The following STON1 variants were observed in gnomAD, a reference collection of about 807,000 sequenced individuals.
The protein encoded by STON1 is stonin-1.
In STON1, 79 loss-of-function variants were observed where a neutral mutation model predicts 60.9. That is an observed-to-expected ratio of 1.30 (90% CI 1.08 to 1.56). The LOEUF (loss-of-function observed/expected upper bound fraction) is 1.56, where lower values mean the gene tolerates loss of function less well. Ranked by LOEUF, STON1 falls within the 40% of genes most tolerant of loss-of-function variation. STON1 has a pLI of 0.00. For missense variants in STON1, 1,166 were observed against 858.9 expected (o/e 1.36, Z -4.47); for synonymous variants, 363 against 306.9 (o/e 1.18, Z -1.91).
intron 2 of STON1, among the ~76,000 whole-genome samples, chr2:48,583,381 A>G (rs62135240): frequency 6.6e-6 from 1 of 152,214 alleles, no homozygotes; most frequent in Non-Finnish European, 1.5e-5. Context: ...GAGCCACCTC[A>G]TCTGGCCTAA....
chr2:48,552,647 G>A lies in STON1; in HGVS notation c.-48+22431G>A, dbSNP rs189264862. 1.3e-4 allele frequency among the ~76,000 whole-genome samples: 20 copies of A among 152,152 alleles called. No homozygotes were observed. In the East Asian group the frequency reaches 3.5e-3, roughly 26 times the overall value. On this transcript the variant is annotated intron_variant, in intron 1 of 3. Transcript: ENST00000404752. ...TAGCAGGGTATGGTGGCAGGCGCCT[G>A]TAATCCCAGCTACTCAGGATGCCAA...
intron 1 of STON1, among the ~76,000 whole-genome samples, chr2:48,540,056 C>T (rs901080033): frequency 1.2e-4 from 19 of 152,126 alleles, no homozygotes; most frequent in Admixed American, 9.8e-4. Flanking sequence ...CCTCTTGCTG[C>T]GGTGGATTTC....
chr2:48,564,264 C>G (rs908286968), intron 1 of STON1, among the ~76,000 whole-genome samples: 2 of 152,134 alleles, frequency 1.3e-5, no homozygotes, highest in African/African-American at 2.4e-5. Flanking sequence ...AGATTTATTT[C>G]TCACAGTTCC....
intron 1 of STON1, among the ~76,000 whole-genome samples, chr2:48,555,277 C>T (rs1486518554): frequency 3.9e-5 from 4 of 101,662 alleles, no homozygotes; most frequent in African/African-American, 1.1e-4. Flanking sequence ...TGGGCAGAGG[C>T]GCCCCTCACC....
At chr2:48,542,174 C>G (rs769208603) in intron 1 of STON1, among the ~76,000 whole-genome samples, 1 of 152,224 alleles carries the variant, frequency 6.6e-6, no homozygotes, top group Non-Finnish European at 1.5e-5. Context: ...GTGGCTGATT[C>G]CATCTCTGGG....
At chr2:48,584,526 C>G (rs1394497608) in intron 2 of STON1, among the ~76,000 whole-genome samples, 6 of 152,214 alleles carry the variant, frequency 3.9e-5, no homozygotes. Context: ...CCTTGGCCTC[C>G]CAAAGTGTTG....
intron 1 of STON1, among the ~76,000 whole-genome samples, chr2:48,574,791 G>A (rs1314363111): frequency 6.6e-6 from 1 of 152,054 alleles, no homozygotes; most frequent in Non-Finnish European, 1.5e-5. Context: ...ACAAGGTCTG[G>A]GTACATAGTG....
intron 1 of STON1, among the ~76,000 whole-genome samples, chr2:48,549,144 T>C (rs1671986656): frequency 6.6e-6 from 1 of 152,140 alleles, no homozygotes; most frequent in African/African-American, 2.4e-5. Flanking sequence ...CCAAAAGAAT[T>C]TATCCGGGAA....
At chr2:48,539,265 T>G (rs1162270079) in intron 1 of STON1, among the ~76,000 whole-genome samples, 2 of 152,134 alleles carry the variant, frequency 1.3e-5, no homozygotes, top group East Asian at 3.9e-4. Context: ...CTCTTTTTCT[T>G]TATTAATATA....
At chr2:48,562,575 G>A (rs1292166989) in intron 1 of STON1, among the ~76,000 whole-genome samples, 4 of 152,184 alleles carry the variant, frequency 2.6e-5, no homozygotes, top group African/African-American at 7.2e-5. Flanking sequence ...CAAAAGATAC[G>A]AAGCAACACT....
intron 1 of STON1, among the ~76,000 whole-genome samples, chr2:48,565,817 A>G (rs1000821642): frequency 6.6e-6 from 1 of 152,234 alleles, no homozygotes; most frequent in African/African-American, 2.4e-5. Context: ...TAATATTACC[A>G]TTTTACAGAT....
intron 3 of STON1, among the ~76,000 whole-genome samples, chr2:48,592,941 G>C (rs1674608803): frequency 6.6e-6 from 1 of 151,560 alleles, no homozygotes; most frequent in Non-Finnish European, 1.5e-5. Flanking sequence ...TTAAATGTTT[G>C]CCATCAGCTC....
intron 2 of STON1, among the ~76,000 whole-genome samples, chr2:48,583,562 C>A (rs1378730629): frequency 6.7e-6 from 1 of 150,096 alleles, no homozygotes; most frequent in African/African-American, 2.4e-5. Context: ...ATAATAAAGT[C>A]AAAAACCAAA....
At chr2:48,555,422 G>A (rs1208973591) in intron 1 of STON1, among the ~76,000 whole-genome samples, 2 of 79,390 alleles carry the variant, frequency 2.5e-5, no homozygotes, top group Admixed American at 1.1e-4. Context: ...CTCACCTACC[G>A]GACGGGGCCA....
intron 1 of STON1, among the ~76,000 whole-genome samples, chr2:48,565,134 G>A (rs1331488819): frequency 7.2e-6 from 1 of 139,100 alleles, no homozygotes; most frequent in South Asian, 2.3e-4. Context: ...CTCACTGCAA[G>A]CTCCGCCTCC....
chr2:48,562,627 G>C (rs1433787015), intron 1 of STON1, among the ~76,000 whole-genome samples: 4 of 152,234 alleles, frequency 2.6e-5, no homozygotes, highest in Non-Finnish European at 4.4e-5. Flanking sequence ...TGAGAGGCCA[G>C]GTGACTTTGG....
At chr2:48,576,341 C>A (rs570030841) in intron 1 of STON1, among the ~76,000 whole-genome samples, 1 of 151,336 alleles carries the variant, frequency 6.6e-6, no homozygotes, top group Admixed American at 6.6e-5. Flanking sequence ...AGGCACCCAC[C>A]ACCACACCCA....
At chr2:48,546,955 T>TA (rs1384889937) in intron 1 of STON1, among the ~76,000 whole-genome samples, 17 of 152,210 alleles carry the variant, frequency 1.1e-4, no homozygotes, top group Non-Finnish European at 1.9e-4. Context: ...CTTCAAATCT[T>TA]ACTGAGAATA....
chr2:48,583,616 GTTT>G (rs35565944), intron 2 of STON1, among the ~76,000 whole-genome samples: 1 of 142,834 alleles, frequency 7.0e-6, no homozygotes, highest in Non-Finnish European at 1.5e-5. Flanking sequence ...AGGGTTGTTG[GTTT>G]TTTTTTTTTT....
Sources: allele counts gnomAD v4.1 joint callset (sites outside exome capture counted in the v4.1 genomes callset), GRCh38; gene constraint gnomAD v4.1.1; transcripts MANE v1.5; gene names NCBI Gene and HGNC (gene_info 2026-07-23, HGNC 2026-07-21).